Variants in CCDC171 observed in about 807,000 individuals in gnomAD.
The protein encoded by CCDC171 is coiled-coil domain containing 171.
Under a neutral mutation model 168.2 loss-of-function variants are expected in CCDC171, and 177 were observed. The observed-to-expected ratio is 1.05, with a 90% confidence interval of 0.93 to 1.19. The LOEUF is 1.19. CCDC171 is among the 50% of genes most tolerant of loss of function. The pLI is 0.00. For missense variants in CCDC171, 1,991 were observed against 1,539.0 expected (o/e 1.29, Z -4.91); for synonymous variants, 687 against 540.8 (o/e 1.27, Z -3.75).
At chr9:15,668,878 A>G (rs1361713815) in intron 9 of CCDC171, among the ~76,000 whole-genome samples, 2 of 152,182 alleles carry the variant, frequency 1.3e-5, no homozygotes, top group African/African-American at 2.4e-5. Flanking sequence ...GTTGTTTCAA[A>G]GTAGTTCTAA....
intron 21 of CCDC171, among the ~76,000 whole-genome samples, chr9:15,807,788 T>C (rs2059147093): frequency 6.6e-6 from 1 of 151,624 alleles, no homozygotes. Flanking sequence ...CTTTTAGCTA[T>C]CTCAGGCACC....
intron 25 of CCDC171, among the ~76,000 whole-genome samples, chr9:15,930,529 ACATAGACATAAAATTACCAT>A (rs1826386875): frequency 6.6e-6 from 1 of 151,640 alleles, no homozygotes. Flanking sequence ...AGGTGGACAT[ACATAGACATAAAATTACCAT>A]CATAATACCT....
chr9:15,744,294 A>G lies in CCDC171; in HGVS notation c.2071A>G (p.Lys691Glu), dbSNP rs1255594647. The G allele has an allele frequency of 9.5e-6, 15 of 1,582,804 alleles. No individual in the cohort carries two copies. Among genetic ancestry groups the G allele is most frequent in the African/African-American group, 1.4e-5 (1 of 73,266 alleles). ...RAQKFQEIAE[K>E]NMEKLNHIEK... Reference sequence around the variant, plus strand: ...ATAGAAATTTCAAGAAATTGCTGAAAAAAACATGGAAAAATTGAACCATAT... The same window carrying G: ...ATAGAAATTTCAAGAAATTGCTGAAGAAAACATGGAAAAATTGAACCATAT... Residue 691 changes from lysine to glutamate, a missense_variant, in exon 17 of 26, where the codon AAA (lysine) becomes GAA (glutamate). Physicochemically the swap from Lys to Glu is moderately conservative, Grantham distance 56. Transcript: ENST00000380701.
At chr9:15,637,338 C>T (rs954757072) in intron 7 of CCDC171, among the ~76,000 whole-genome samples, 3 of 152,106 alleles carry the variant, frequency 2.0e-5, no homozygotes, top group African/African-American at 7.2e-5. Context: ...TGGTTGTGCA[C>T]AACCCGGTAT....
chr9:15,853,086 G>C (rs1004723480), intron 23 of CCDC171, among the ~76,000 whole-genome samples: 1 of 151,410 alleles, frequency 6.6e-6, no homozygotes, highest in African/African-American at 2.4e-5. Flanking sequence ...GTGAATTTTG[G>C]GATCAGCTTG....
intron 8 of CCDC171, among the ~76,000 whole-genome samples, chr9:16,036,419 C>T (rs113082260): frequency 0.017 from 2,642 of 152,224 alleles, 90 homozygotes; most frequent in African/African-American, 0.061. Context: ...CCAAGGCAGG[C>T]GGATCTCGAG....
intron 11 of CCDC171, among the ~76,000 whole-genome samples, chr9:15,700,247 G>T (rs2051606181): frequency 6.6e-6 from 1 of 152,210 alleles, no homozygotes; most frequent in African/African-American, 2.4e-5. Flanking sequence ...TGGCACTGCT[G>T]GGGGACCCCG....
chr9:15,639,022 T>G (rs1345314761), intron 7 of CCDC171, among the ~76,000 whole-genome samples: 1 of 152,130 alleles, frequency 6.6e-6, no homozygotes, highest in Non-Finnish European at 1.5e-5. Flanking sequence ...AAATAAATTC[T>G]GAATTGCTTC....
the CCDC171 span, among the ~76,000 whole-genome samples, chr9:16,107,595 A>T: frequency 6.6e-6 from 1 of 152,276 alleles, no homozygotes; most frequent in East Asian, 1.9e-4. Context: ...ACCCATTTGT[A>T]CGTACACATA....
intron 11 of CCDC171, among the ~76,000 whole-genome samples, chr9:15,714,028 G>A (rs1488708348): frequency 6.6e-6 from 1 of 152,054 alleles, no homozygotes; most frequent in Non-Finnish European, 1.5e-5. Context: ...GTGTTGATTT[G>A]TTTCACAATG....
chr9:15,758,503 A>C (rs948631890), intron 18 of CCDC171, among the ~76,000 whole-genome samples: 3 of 152,160 alleles, frequency 2.0e-5, no homozygotes, highest in Non-Finnish European at 2.9e-5. Flanking sequence ...CTTGTCTCAG[A>C]TGAGACTTTG....
At chr9:15,736,661 T>C (rs1588206794) in intron 16 of CCDC171, among the ~76,000 whole-genome samples, 1 of 147,888 alleles carries the variant, frequency 6.8e-6, no homozygotes. Flanking sequence ...TCACATTTCT[T>C]TTTCTTTCTT....
intron 21 of CCDC171, among the ~76,000 whole-genome samples, chr9:15,810,360 C>G (rs781422009): frequency 6.6e-6 from 1 of 152,208 alleles, no homozygotes; most frequent in Admixed American, 6.5e-5. Context: ...GCCAGGGCCA[C>G]GGGCAGAGCT....
rs576067508 is a variant in CCDC171 at position 15,664,678 on chromosome 9, CAG to C, written c.916-1484_916-1483del. On this transcript the variant is annotated intron_variant, in intron 8 of 25. Coordinates refer to ENST00000380701, the MANE Select transcript of CCDC171 (RefSeq NM_173550.4). ...TTATTCATCCTATGGTTGGTGGACA[CAG>C]GGAATATAGTTTTGTTTTTTTTTTT... 2.5e-4 allele frequency among the ~76,000 whole-genome samples: 38 copies of C among 149,308 alleles called. No individual in the cohort carries two copies. In the East Asian group the frequency reaches 7.3e-3, roughly 29 times the overall value.
At chr9:15,897,011 T>C (rs1389500955) in intron 24 of CCDC171, among the ~76,000 whole-genome samples, 1 of 152,070 alleles carries the variant, frequency 6.6e-6, no homozygotes, top group Non-Finnish European at 1.5e-5. Context: ...TTCCCCATCT[T>C]AGTAGTTAAA....
the CCDC171 span, among the ~76,000 whole-genome samples, chr9:16,073,291 A>G: frequency 6.6e-6 from 1 of 152,218 alleles, no homozygotes; most frequent in African/African-American, 2.4e-5. Context: ...GTAAAGGTCC[A>G]CAGAGAGACA....
At chr9:15,825,401 C>T (rs192294250) in intron 21 of CCDC171, among the ~76,000 whole-genome samples, 14 of 152,202 alleles carry the variant, frequency 9.2e-5, no homozygotes, top group Admixed American at 6.5e-5. Flanking sequence ...AATAATGTAA[C>T]CACTATAAAG....
intron 25 of CCDC171, among the ~76,000 whole-genome samples, chr9:15,963,390 T>C (rs1156788420): frequency 1.3e-5 from 2 of 152,176 alleles, no homozygotes; most frequent in African/African-American, 4.8e-5. Flanking sequence ...CTAAAAATGC[T>C]TCAGTGAACA....
At chr9:15,812,393 C>G (rs1221701129) in intron 21 of CCDC171, among the ~76,000 whole-genome samples, 1 of 152,142 alleles carries the variant, frequency 6.6e-6, no homozygotes, top group East Asian at 1.9e-4. Flanking sequence ...TTGGCACATG[C>G]ACTGGTTGGA....
Sources: allele counts gnomAD v4.1 joint callset (sites outside exome capture counted in the v4.1 genomes callset), GRCh38; gene constraint gnomAD v4.1.1; transcripts MANE v1.5; gene names NCBI Gene and HGNC (gene_info 2026-07-23, HGNC 2026-07-21).